Variants in CABLES1 observed in about 807,000 individuals in gnomAD.
The protein encoded by CABLES1 is CDK5 and ABL1 enzyme substrate 1.
Under a neutral mutation model 57.8 loss-of-function variants are expected in CABLES1, and 36 were observed. That is an observed-to-expected ratio of 0.62 (90% confidence interval 0.48 to 0.82). The LOEUF is 0.82. Among genes scored for constraint, CABLES1 ranks in the 40% least tolerant of loss-of-function variants. The probability of loss-of-function intolerance (pLI) is 0.00; values close to 1 mark genes in which losing one functional copy is unlikely to be tolerated. For missense variants in CABLES1, 767 were observed against 836.6 expected (o/e 0.92, Z 1.03); for synonymous variants, 374 against 363.0 (o/e 1.03, Z -0.35).
intron 1 of CABLES1, chr18:23,149,663 G>C (rs947150744): frequency 2.6e-5 from 4 of 152,250 alleles, no homozygotes; most frequent in Non-Finnish European, 4.4e-5. Flanking sequence ...TAGCCCAGTA[G>C]TTTTCAGAAT....
Position 23,135,962 on chromosome 18 carries a change from C to A in CABLES1, c.200C>A (p.Ser67Tyr). The A allele has an allele frequency of 8.8e-7, 1 of 1,138,732 alleles. No individual in the cohort carries two copies. Among genetic ancestry groups the A allele is most frequent in the Non-Finnish European group, 1.1e-6 (1 of 929,008 alleles). The allele number at this position is 1,138,732 out of a possible 1,614,324, so 70.5% of individuals were successfully genotyped here. ...CCGCGGCGCCGCCAGGCTGCCCTCT[C>A]CTTCCTCACCAACATCTCGCTGGAC... ...MDPRRRQAAL[S>Y]FLTNISLDGR... The change falls in exon 1 of 10, where the codon TCC becomes TAC. Residue 67 changes from serine (S) to tyrosine (Y), a missense_variant. Physicochemically the swap from Ser to Tyr is moderately radical, Grantham distance 144. This residue lies in a region of CABLES1 where 198 missense variants were observed against 149.7 expected (regional missense o/e 1.32). Transcript: ENST00000256925.
At position 23,188,885 on chromosome 18, in the gene CABLES1, T is replaced by C. The variant is rs1176634565; in HGVS notation, c.893T>C (p.Ile298Thr). ...QRSSLETLED[I>T]EENAPLRRCR... ...TCTTCCTTGGAGACCCTGGAAGATA[T>C]TGAGGAGAACGCCCCTCTCCGGAGG... The change falls in exon 2 of 10, where the codon ATT becomes ACT. Residue 298 changes from isoleucine (I) to threonine (T), a missense_variant. Transcript: ENST00000256925. 6 of 1,613,800 alleles carry C rather than the reference T, an allele frequency of 3.7e-6. No homozygotes were observed. Among genetic ancestry groups the C allele is most frequent in the African/African-American group, 1.3e-5 (1 of 75,060 alleles).
intron 1 of CABLES1, among the ~76,000 whole-genome samples, chr18:23,154,665 A>G (rs2046954141): frequency 6.6e-6 from 1 of 152,180 alleles, no homozygotes; most frequent in South Asian, 2.1e-4. Context: ...GGCTGATGTC[A>G]CCATGTCAGC....
chr18:23,155,878 C>G (rs768676240), intron 1 of CABLES1: 2 of 1,613,798 alleles, frequency 1.2e-6, no homozygotes, highest in Middle Eastern at 1.6e-4. Flanking sequence ...TTGGAGTGGT[C>G]TGAAGCCTCT....
At chr18:23,180,328 C>T (rs970623721) in intron 1 of CABLES1, among the ~76,000 whole-genome samples, 1 of 152,138 alleles carries the variant, frequency 6.6e-6, no homozygotes, top group Non-Finnish European at 1.5e-5. Context: ...GTTATCATCA[C>T]TTATCTGATG....
chr18:23,207,292 G>T (rs2047371030), intron 3 of CABLES1, among the ~76,000 whole-genome samples: 1 of 152,202 alleles, frequency 6.6e-6, no homozygotes, highest in African/African-American at 2.4e-5. Context: ...GTACAGAGGG[G>T]AGTGGAAACG....
intron 1 of CABLES1, among the ~76,000 whole-genome samples, chr18:23,145,849 G>A (rs774707945): frequency 1.3e-5 from 2 of 152,078 alleles, no homozygotes; most frequent in Non-Finnish European, 2.9e-5. Flanking sequence ...TGTGGTTTGG[G>A]GCTTATTACT....
chr18:23,189,922 G>A (rs2145017768), intron 2 of CABLES1, among the ~76,000 whole-genome samples: 1 of 152,358 alleles, frequency 6.6e-6, no homozygotes, highest in East Asian at 1.9e-4. Context: ...GGTCAGAGGG[G>A]AAGTGTCCGG....
At chr18:23,238,133 G>A (rs1344477843) in intron 7 of CABLES1, among the ~76,000 whole-genome samples, 2 of 152,272 alleles carry the variant, frequency 1.3e-5, no homozygotes, top group Admixed American at 6.5e-5. Context: ...AGCCTGAGCT[G>A]TTCTCTGGAG....
At chr18:23,192,814 G>T (rs1331706161) in intron 2 of CABLES1, among the ~76,000 whole-genome samples, 1 of 152,194 alleles carries the variant, frequency 6.6e-6, no homozygotes, top group Non-Finnish European at 1.5e-5. Flanking sequence ...AGGAAGAAAT[G>T]AGGCTGTTTG....
chr18:23,174,914 A>G (rs1296179788), intron 1 of CABLES1, among the ~76,000 whole-genome samples: 1 of 147,870 alleles, frequency 6.8e-6, no homozygotes, highest in Non-Finnish European at 1.5e-5. Flanking sequence ...GCAAAGCCTG[A>G]CATACTGGTG....
intron 1 of CABLES1, among the ~76,000 whole-genome samples, chr18:23,174,826 A>ATG (rs2144995746): frequency 2.8e-5 from 1 of 36,166 alleles, no homozygotes; most frequent in East Asian, 1.2e-3. Context: ...TACACCATAT[A>ATG]TATATATATA....
At chr18:23,158,062 A>G (rs2046977418) in intron 1 of CABLES1, among the ~76,000 whole-genome samples, 1 of 151,426 alleles carries the variant, frequency 6.6e-6, no homozygotes, top group Admixed American at 6.6e-5. Context: ...CAGGTGGATC[A>G]CTTGAGCCCA....
intron 2 of CABLES1, among the ~76,000 whole-genome samples, chr18:23,193,826 T>C (rs1173280118): frequency 1.3e-5 from 2 of 152,144 alleles, no homozygotes; most frequent in Non-Finnish European, 2.9e-5. Flanking sequence ...AAAACTTGAA[T>C]CCAAGCCATT....
intron 7 of CABLES1, among the ~76,000 whole-genome samples, chr18:23,245,016 C>G (rs1481574006): frequency 6.6e-6 from 1 of 152,228 alleles, no homozygotes; most frequent in Non-Finnish European, 1.5e-5. Flanking sequence ...AACAACCTGT[C>G]TGCTCTGAGA....
intron 3 of CABLES1, chr18:23,197,513 G>C (rs927898620): frequency 3.3e-5 from 5 of 152,512 alleles, no homozygotes. Flanking sequence ...CCAAGCTGAG[G>C]GTGCTTTGGG....
intron 9 of CABLES1, among the ~76,000 whole-genome samples, chr18:23,255,660 A>C (rs1423192834): frequency 6.6e-6 from 1 of 151,616 alleles, no homozygotes; most frequent in Non-Finnish European, 1.5e-5. Context: ...CCCAGACTCA[A>C]GCAATCCTCC....
rs375802300 is a variant in CABLES1, at chr18:23,146,289, A to G, written c.845+9682A>G. Among the ~76,000 whole-genome samples, 3 of 152,134 alleles carry G rather than the reference A, an allele frequency of 2.0e-5. No homozygotes were observed. In the East Asian group the frequency reaches 5.8e-4, roughly 29 times the overall value. On this transcript the variant is annotated intron_variant, in intron 1 of 9. Coordinates refer to ENST00000256925, the MANE Select transcript of CABLES1 (RefSeq NM_001100619.3). Reference sequence around the variant, plus strand: ...GTTAGGGGGACAAACGGTTGATGTGATGTTGAATGGTAGTTCTTTTTTTTT... The same window carrying G: ...GTTAGGGGGACAAACGGTTGATGTGGTGTTGAATGGTAGTTCTTTTTTTTT...
In CABLES1 at chr18:23,237,185, G is replaced by A. The variant is rs1009374342; in HGVS notation, c.1386G>A (p.Leu462=). 5.0e-6 allele frequency: 8 copies of A among 1,613,720 alleles called. No homozygotes were observed. The highest frequency in any genetic ancestry group is 3.3e-5 in the Admixed American group (2 of 59,998). The change falls in exon 7 of 10, where the codon TTG becomes TTA. Residue 462 remains leucine, a synonymous_variant. Coordinates refer to ENST00000256925, the MANE Select transcript of CABLES1 (RefSeq NM_001100619.3). ...TTATGGACTATGACCCAAATCTCTT[G>A]GATGACCCCCAGTGGCCTTGTGGCA... ...GDFMDYDPNL[L]DDPQWPCGKH...
Sources: allele counts gnomAD v4.1 joint callset (sites outside exome capture counted in the v4.1 genomes callset), GRCh38; gene constraint gnomAD v4.1.1; regional missense constraint gnomAD v4.1.1; transcripts MANE v1.5; gene names NCBI Gene and HGNC (gene_info 2026-07-23, HGNC 2026-07-21).